SPOP: variants seen among roughly 807,000 people sequenced by gnomAD.
SPOP encodes speckle type BTB/POZ protein, also known as speckle-type POZ protein.
Under a neutral mutation model 45.6 loss-of-function variants are expected in SPOP, and 11 were observed. That is an observed-to-expected ratio of 0.24 (90% CI 0.15 to 0.40). The LOEUF (loss-of-function observed/expected upper bound fraction) is 0.40. Ranked by LOEUF, SPOP falls within the 10% of genes least tolerant of loss-of-function variation. The pLI is 1.00. For missense variants in SPOP, 152 were observed against 465.6 expected, an observed-to-expected ratio of 0.33 and a Z score of 6.20; for synonymous variants, 166 against 166.3, an observed-to-expected ratio of 1.00 and a Z score of 0.01.
chr17:49,676,439 G>T lies in SPOP; in HGVS notation c.-67+1494C>A, dbSNP rs150166858. Among the ~76,000 whole-genome samples, 19 of 152,274 alleles carry T rather than the reference G, an allele frequency of 1.2e-4. No homozygotes were observed. The East Asian group carries it at 3.7e-3, about 29-fold the overall frequency. Reference sequence around the variant, plus strand: ...CCTGTAAGGGCCAGGGTTAAAAGGGGAAGTGAAAAATACATATACTTTAAG... The same window carrying T: ...CCTGTAAGGGCCAGGGTTAAAAGGGTAAGTGAAAAATACATATACTTTAAG... On this transcript the variant is annotated intron_variant, in intron 1 of 9. Coordinates refer to ENST00000504102, the MANE Select transcript of SPOP (RefSeq NM_001007228.2).
rs768520988 is a variant in SPOP at position 49,655,614 on chromosome 17, A to G, written c.-67+22319T>C. On this transcript the variant is annotated intron_variant, in intron 1 of 9. Coordinates refer to ENST00000504102, the MANE Select transcript of SPOP (RefSeq NM_001007228.2). ...AAAATTCTATCTTGGCTGAAATAAT[A>G]GTAATTATTTACGTAGCCTGGACAT... 6.2e-4 allele frequency among the ~76,000 whole-genome samples: 95 copies of G among 152,326 alleles called. 1 individual carries two copies. The highest frequency in any genetic ancestry group is 6.0e-4 in the Non-Finnish European group (41 of 68,030).
chr17:49,607,635 T>C (rs1420153631), intron 7 of SPOP, among the ~76,000 whole-genome samples: 1 of 152,166 alleles, frequency 6.6e-6, no homozygotes, highest in Non-Finnish European at 1.5e-5. Flanking sequence ...AGTAAAAACA[T>C]ATATGTCTAA....
At chr17:49,661,161 G>T (rs1198561846) in intron 1 of SPOP, among the ~76,000 whole-genome samples, 1 of 152,070 alleles carries the variant, frequency 6.6e-6, no homozygotes, top group Non-Finnish European at 1.5e-5. Context: ...TAATAAATCA[G>T]TAACAAAATT....
intron 1 of SPOP, among the ~76,000 whole-genome samples, chr17:49,657,134 G>A (rs549415178): frequency 6.7e-6 from 1 of 149,850 alleles, no homozygotes; most frequent in Admixed American, 6.6e-5. Context: ...GCAGTGAGCC[G>A]AGATTGCGCC....
At chr17:49,667,178 TAA>T (rs36082208) in intron 1 of SPOP, among the ~76,000 whole-genome samples, 49 of 103,590 alleles carry the variant, frequency 4.7e-4, no homozygotes, top group Middle Eastern at 6.2e-3. Context: ...AACGCTGTCT[TAA>T]AAAAAAAAAA....
chr17:49,654,230 T>C (rs372035208), intron 1 of SPOP, among the ~76,000 whole-genome samples: 2 of 152,194 alleles, frequency 1.3e-5, no homozygotes, highest in Admixed American at 6.5e-5. Context: ...GTAAAACACA[T>C]AGACAACAAT....
intron 1 of SPOP, among the ~76,000 whole-genome samples, chr17:49,630,534 G>T (rs1297903572): frequency 6.6e-6 from 1 of 152,216 alleles, no homozygotes; most frequent in South Asian, 2.1e-4. Flanking sequence ...AAAGACTGAG[G>T]TTCTCTTATG....
Position 49,601,970 on chromosome 17 carries a change from G to A in SPOP, c.875C>T (p.Ala292Val), listed in dbSNP as rs200147245. Reference protein sequence around the residue: ...LERLKVMCEDALCSNLSVENA... With the variant: ...LERLKVMCEDVLCSNLSVENA... ...CTCCACGGACAGGTTACTGCAGAGGGCATCCTCACACATGACCTTTAAGCG... is the reference window on the plus strand; with the variant it reads ...CTCCACGGACAGGTTACTGCAGAGGACATCCTCACACATGACCTTTAAGCG... Residue 292 changes from alanine to valine, a missense_variant, in exon 9 of 10, where the codon GCC becomes GTC. Ala to Val is a moderately conservative substitution (Grantham distance 64, BLOSUM62 0). This residue lies in a region of SPOP where 106 missense variants were observed against 255.2 expected (regional missense o/e 0.42). Coordinates refer to ENST00000504102, the MANE Select transcript of SPOP (RefSeq NM_001007228.2). The A allele has an allele frequency of 1.9e-6, 3 of 1,614,108 alleles. No individual in the cohort carries two copies. Among genetic ancestry groups the A allele is most frequent in the Admixed American group, 1.7e-5 (1 of 60,016 alleles).
At chr17:49,665,649 GACACACAC>G (rs71352530) in intron 1 of SPOP, among the ~76,000 whole-genome samples, 3,172 of 126,756 alleles carry the variant, frequency 0.025, 81 homozygotes, top group African/African-American at 0.057. Flanking sequence ...TATATATACA[GACACACAC>G]ACACACACAC....
At chr17:49,628,856 A>G (rs2072392760) in intron 1 of SPOP, among the ~76,000 whole-genome samples, 1 of 152,160 alleles carries the variant, frequency 6.6e-6, no homozygotes, top group Non-Finnish European at 1.5e-5. Flanking sequence ...TGACTCCTGT[A>G]GACTTCAAGC....
At chr17:49,637,157 G>A (rs2072556892) in intron 1 of SPOP, among the ~76,000 whole-genome samples, 1 of 151,966 alleles carries the variant, frequency 6.6e-6, no homozygotes, top group Non-Finnish European at 1.5e-5. Flanking sequence ...GGGACACGCA[G>A]GGCAGGGCAG....
chr17:49,651,941 C>T (rs1237096346), intron 1 of SPOP, among the ~76,000 whole-genome samples: 1 of 152,034 alleles, frequency 6.6e-6, no homozygotes, highest in Non-Finnish European at 1.5e-5. Context: ...ATTGCCTGAA[C>T]CCAGGAGGCG....
intron 1 of SPOP, among the ~76,000 whole-genome samples, chr17:49,629,240 A>C (rs1356733397): frequency 1.4e-5 from 2 of 147,976 alleles, no homozygotes; most frequent in African/African-American, 5.0e-5. Context: ...ACTCTATCTC[A>C]AAAAAAAAAA....
chr17:49,663,183 C>T (rs141744205), intron 1 of SPOP, among the ~76,000 whole-genome samples: 77 of 152,314 alleles, frequency 5.1e-4, no homozygotes, highest in Middle Eastern at 6.8e-3. Flanking sequence ...ACTGCCTGAG[C>T]TGTGCCTCCT....
intron 1 of SPOP, among the ~76,000 whole-genome samples, chr17:49,637,816 C>T (rs1019500404): frequency 6.6e-6 from 1 of 152,218 alleles, no homozygotes; most frequent in South Asian, 2.1e-4. Flanking sequence ...TAAAAAAGTG[C>T]TCTATGGGTA....
At chr17:49,625,832 G>C (rs1255182305) in intron 1 of SPOP, among the ~76,000 whole-genome samples, 2 of 152,152 alleles carry the variant, frequency 1.3e-5, no homozygotes, top group East Asian at 3.8e-4. Context: ...TACTGGGAGA[G>C]GGAAGGAAGG....
intron 6 of SPOP, 147 bp downstream of exon 6, chr17:49,611,133 T>A (rs111798524): frequency 1.7e-5 from 15 of 891,454 alleles, no homozygotes; most frequent in African/African-American, 8.4e-5. Context: ...TTCTGAGCAT[T>A]GTTACCGGAA....
intron 1 of SPOP, among the ~76,000 whole-genome samples, chr17:49,649,464 AG>A (rs2072810640): frequency 6.7e-6 from 1 of 149,142 alleles, no homozygotes; most frequent in Non-Finnish European, 1.5e-5. Flanking sequence ...TTAAACCGGG[AG>A]GGGGAGGTTG....
intron 3 of SPOP, 145 bp downstream of exon 3, chr17:49,621,801 A>G (rs2072226129): frequency 5.2e-6 from 4 of 773,054 alleles, no homozygotes. Flanking sequence ...TGTGCCAGGC[A>G]CTGTGCTAGG....
Sources: gnomAD v4.1 joint callset for allele counts (sites outside exome capture counted in the v4.1 genomes callset) on GRCh38, gnomAD v4.1.1 for gene constraint, gnomAD v4.1.1 regional missense constraint, MANE v1.5 for transcripts, NCBI Gene and HGNC (gene_info 2026-07-23, HGNC 2026-07-21) for gene names.